Variants in P2RX7 observed in about 807,000 individuals in gnomAD.
P2RX7 encodes the protein purinergic receptor P2X 7, also known as P2X purinoceptor 7.
In P2RX7, 62 loss-of-function variants were observed where a neutral mutation model predicts 71.6. That is an observed-to-expected ratio of 0.87 (90% CI 0.71 to 1.07). The LOEUF (loss-of-function observed/expected upper bound fraction) is 1.07. P2RX7 is among the 50% of genes least tolerant of loss of function. The probability of loss-of-function intolerance (pLI) is 0.00; values close to 1 mark genes in which losing one functional copy is unlikely to be tolerated. For synonymous variants in P2RX7, 299 were observed against 283.3 expected (o/e 1.06, Z -0.56); for missense variants, 686 against 748.5 (o/e 0.92, Z 0.97).
intron 8 of P2RX7, among the ~76,000 whole-genome samples, chr12:121,173,485 CAAG>C (rs1748370440): frequency 6.6e-6 from 1 of 152,110 alleles, no homozygotes; most frequent in Admixed American, 6.6e-5. Flanking sequence ...TGCACCTGGC[CAAG>C]AAGAATTTAT....
intron 3 of P2RX7, 30 bp from the exon 4 acceptor site, chr12:121,160,872 C>G (rs778223100): frequency 6.5e-7 from 1 of 1,532,604 alleles, no homozygotes; most frequent in Non-Finnish European, 9.0e-7. Flanking sequence ...ACGTCACTTA[C>G]TCCCCACTCT....
At chr12:121,136,937 C>A (rs1191763696) in intron 1 of P2RX7, among the ~76,000 whole-genome samples, 1 of 152,140 alleles carries the variant, frequency 6.6e-6, no homozygotes, top group African/African-American at 2.4e-5. Flanking sequence ...GTGTGGGTCA[C>A]CATGCCCAGC....
chr12:121,177,547 TAGTG>T, intron 11 of P2RX7, 101 bp downstream of exon 11: 5 of 1,156,416 alleles, frequency 4.3e-6, no homozygotes, highest in Non-Finnish European at 6.4e-6. Context: ...CTTCATCCTG[TAGTG>T]GATACGTCGC....
intron 1 of P2RX7, among the ~76,000 whole-genome samples, chr12:121,152,072 C>A (rs1877538856): frequency 6.6e-6 from 1 of 152,054 alleles, no homozygotes; most frequent in Non-Finnish European, 1.5e-5. Flanking sequence ...CTCCACCTCC[C>A]CGGTTCAAAG....
chr12:121,157,897 T>A (rs545455472), intron 3 of P2RX7, among the ~76,000 whole-genome samples: 11 of 152,338 alleles, frequency 7.2e-5, no homozygotes, highest in African/African-American at 2.6e-4. Context: ...TGGTACATTA[T>A]AAGCACTCAA....
intron 4 of P2RX7, 119 bp downstream of exon 4, chr12:121,161,093 C>T (rs951917195): frequency 8.7e-6 from 7 of 805,174 alleles, no homozygotes; most frequent in South Asian, 2.7e-5. Context: ...TCCACCATCA[C>T]CAAGCCATAG....
At chr12:121,155,981 A>T in intron 2 of P2RX7, 98 bp from the exon 3 acceptor site, 1 of 1,071,716 alleles carries the variant, frequency 9.3e-7, no homozygotes. Flanking sequence ...CTAGAAGCTT[A>T]GAAAAGTGGA....
chr12:121,167,359 A>C, intron 7 of P2RX7, 129 bp from the exon 8 acceptor site: 1 of 1,006,170 alleles, frequency 9.9e-7, no homozygotes, highest in Non-Finnish European at 1.5e-6. Context: ...GTGGGGCTGT[A>C]CATATGGTTC....
Position 121,162,455 on chromosome 12 carries a change from A to G in P2RX7, c.468A>G (p.Glu156=). Residue 156 remains glutamate (E), a synonymous_variant, in exon 5 of 13, where the codon GAA becomes GAG. Coordinates refer to ENST00000328963, the MANE Select transcript of P2RX7 (RefSeq NM_002562.6). ...GIQTGRCVVY[E]GNQKTCEVSA... ...AGACCGGAAGGTGTGTAGTGTATGA[A>G]GGGAACCAGAAGACCTGTGAAGTCT... is the stretch of plus-strand genomic sequence containing the variant. 1 of 1,613,930 alleles carries G rather than the reference A, an allele frequency of 6.2e-7. No homozygotes were observed. Among genetic ancestry groups the G allele is most frequent in the African/African-American group, 1.3e-5 (1 of 75,046 alleles).
intron 1 of P2RX7, among the ~76,000 whole-genome samples, chr12:121,144,124 A>G (rs920670228): frequency 4.6e-5 from 7 of 152,148 alleles, no homozygotes; most frequent in Non-Finnish European, 7.3e-5. Flanking sequence ...TTTCTGGACA[A>G]TCTTTCTTCT....
In P2RX7 at chr12:121,159,228, C is replaced by A. The variant is rs533128204; in HGVS notation, c.364-1674C>A. ...GGTCAGGAGTTCAAGACCAGCCTGGCCAAGATGGGGAAACACCGTCTCTAC... is the reference window on the plus strand; with the variant it reads ...GGTCAGGAGTTCAAGACCAGCCTGGACAAGATGGGGAAACACCGTCTCTAC... On this transcript the variant is annotated intron_variant, in intron 3 of 12. Coordinates refer to ENST00000328963, the MANE Select transcript of P2RX7 (RefSeq NM_002562.6). 3.3e-5 allele frequency among the ~76,000 whole-genome samples: 5 copies of A among 152,016 alleles called. No individual in the cohort carries two copies. In the South Asian group the frequency reaches 1.0e-3, roughly 32 times the overall value.
At chr12:121,145,902 T>C (rs937846970) in intron 1 of P2RX7, among the ~76,000 whole-genome samples, 1 of 151,994 alleles carries the variant, frequency 6.6e-6, no homozygotes, top group Non-Finnish European at 1.5e-5. Context: ...ATTTTTAAGA[T>C]GAGAAATGAT....
rs147798188 is a variant in P2RX7, at chr12:121,180,808, C to A, written c.1290+353C>A. On this transcript the variant is annotated intron_variant, in intron 12 of 12. Transcript: ENST00000328963. ...TGAAACCTCGTCTCTACTAAAAATA[C>A]AAAAATTAGCCGGGTGGTGTGGTGG... Among the ~76,000 whole-genome samples the A allele has an allele frequency of 1.2e-3, 186 of 152,030 alleles. 1 individual carries two copies. Among genetic ancestry groups the A allele is most frequent in the African/African-American group, 3.8e-3 (159 of 41,500 alleles).
intron 1 of P2RX7, among the ~76,000 whole-genome samples, chr12:121,142,146 G>A (rs1875030277): frequency 6.6e-6 from 1 of 152,172 alleles, no homozygotes; most frequent in African/African-American, 2.4e-5. Context: ...GTCTGAGGCT[G>A]TATTAGTTTC....
rs201297448 is a variant in P2RX7 at position 121,133,006 on chromosome 12, G to A, written c.36G>A (p.Gln12=). 15 of 1,613,970 alleles carry A rather than the reference G, an allele frequency of 9.3e-6. No individual in the cohort carries two copies. Among genetic ancestry groups the A allele is most frequent in the East Asian group, 2.2e-5 (1 of 44,874 alleles). ...GCTGCAGCTGCAGTGATGTTTTCCA[G>A]TATGAGACGAACAAAGTCACTCGGA... The part of the protein sequence containing the change: ...PACCSCSDVF[Q]YETNKVTRIQ... Residue 12 remains glutamine (Q), a synonymous_variant, in exon 1 of 13, where the codon CAG becomes CAA. Coordinates refer to ENST00000328963, the MANE Select transcript of P2RX7 (RefSeq NM_002562.6).
intron 6 of P2RX7, 60 bp from the exon 7 acceptor site, chr12:121,165,998 G>C: frequency 6.4e-7 from 1 of 1,554,886 alleles, no homozygotes; most frequent in Non-Finnish European, 8.8e-7. Flanking sequence ...TCCTGGGAAA[G>C]AGACAGATCT....
chr12:121,154,411 C>T lies in P2RX7; in HGVS notation c.126-374C>T, dbSNP rs1366296456. ...TAGACTGGAAGGTGCTGATGTGTTACTGAGCCTCCAGACAAAGCTGGCGAA... is the reference window on the plus strand; with the variant it reads ...TAGACTGGAAGGTGCTGATGTGTTATTGAGCCTCCAGACAAAGCTGGCGAA... On this transcript the variant is annotated intron_variant, in intron 1 of 12. Transcript: ENST00000328963. This position sits in a 1 kb window ranked among gnomAD's most constrained non-coding sequence, Gnocchi z 4.2. Among the ~76,000 whole-genome samples the T allele has an allele frequency of 6.6e-6, 1 of 152,130 alleles. No individual in the cohort carries two copies. The highest frequency in any genetic ancestry group is 1.9e-4 in the East Asian group (1 of 5,194).
chr12:121,162,935 A>G (rs61953396), intron 5 of P2RX7, among the ~76,000 whole-genome samples: 5,444 of 151,936 alleles, frequency 0.036, 122 homozygotes, highest in East Asian at 0.073. Flanking sequence ...AGGAAAGAGA[A>G]GGGGAAGGGG....
intron 1 of P2RX7, among the ~76,000 whole-genome samples, chr12:121,145,036 G>C (rs1326175856): frequency 6.6e-6 from 1 of 152,150 alleles, no homozygotes; most frequent in African/African-American, 2.4e-5. Context: ...CGAATCTGCA[G>C]CTGAGATGTA....
Sources: allele counts gnomAD v4.1 joint callset (sites outside exome capture counted in the v4.1 genomes callset), GRCh38; gene constraint gnomAD v4.1.1; non-coding constraint Gnocchi (gnomAD v3.1); transcripts MANE v1.5; gene names NCBI Gene and HGNC (gene_info 2026-07-23, HGNC 2026-07-21).